The following R3HDM1 variants were observed in gnomAD, a reference collection of about 807,000 sequenced individuals.
R3HDM1 encodes the protein R3H domain-containing protein 1.
Under a neutral mutation model 141.1 loss-of-function variants are expected in R3HDM1, and 46 were observed. That is an observed-to-expected ratio of 0.33 (90% CI 0.26 to 0.42). The LOEUF is 0.42. Ranked by LOEUF, R3HDM1 falls within the 10% of genes least tolerant of loss-of-function variation. The pLI is 1.00. For synonymous variants in R3HDM1, 435 were observed against 472.9 expected (o/e 0.92, Z 1.04); for missense variants, 1,184 against 1,368.3 (o/e 0.87, Z 2.12).
chr2:135,628,753 G>A (rs938655962), intron 7 of R3HDM1, among the ~76,000 whole-genome samples: 1 of 152,032 alleles, frequency 6.6e-6, no homozygotes, highest in Non-Finnish European at 1.5e-5. Flanking sequence ...CAGCCTCCAA[G>A]TAGCTGGGAT....
At position 135,602,647 on chromosome 2, in the gene R3HDM1, C is replaced by T; in HGVS notation, c.-102C>T. Reference sequence around the variant, plus strand: ...CTGGCTGACAACTGTGAAAAAGAACCTTGGATTATTTTATTTTATTTTTGT... The same window carrying T: ...CTGGCTGACAACTGTGAAAAAGAACTTTGGATTATTTTATTTTATTTTTGT... On this transcript the variant is annotated 5_prime_UTR_variant, in exon 2 of 27. Transcript: ENST00000683871. 1.3e-6 allele frequency: 2 copies of T among 1,548,056 alleles called. No individual in the cohort carries two copies. The highest frequency in any genetic ancestry group is 1.7e-6 in the Non-Finnish European group (2 of 1,146,348).
chr2:135,581,227 G>A (rs2105029289), intron 1 of R3HDM1: 1 of 985,394 alleles, frequency 1.0e-6, no homozygotes, highest in South Asian at 4.7e-5. Context: ...CAGAGATACT[G>A]TATGAAGAAA....
At chr2:135,723,778 C>CAAAAAAAAAA (rs541423067) in intron 26 of R3HDM1, among the ~76,000 whole-genome samples, 159 bp from the exon 27 acceptor site, 4 of 55,322 alleles carry the variant, frequency 7.2e-5, no homozygotes, top group African/African-American at 2.8e-4. Flanking sequence ...CTCCATCTCC[C>CAAAAAAAAAA]AAAAAAAAAA....
chr2:135,670,389 G>T (rs2068160606), intron 19 of R3HDM1: 1 of 976,644 alleles, frequency 1.0e-6, no homozygotes, highest in African/African-American at 1.8e-5. Flanking sequence ...TGAAAGTACA[G>T]TAAAGATCAG....
At chr2:135,682,479 C>T (rs922774461) in intron 21 of R3HDM1, among the ~76,000 whole-genome samples, 5 of 152,064 alleles carry the variant, frequency 3.3e-5, no homozygotes, top group African/African-American at 9.7e-5. Flanking sequence ...ATGTTCCTGC[C>T]CCTATAGTGA....
In R3HDM1 at chr2:135,699,033, A is replaced by T. The variant is rs77175186; in HGVS notation, c.2460-10400A>T. On this transcript the variant is annotated intron_variant, in intron 21 of 26. Transcript: ENST00000683871. ...TAGATAGATAGATAGATAGATAGAT[A>T]GATAGATAGATAAGATAGATAAGAT... Among the ~76,000 whole-genome samples, 221 of 86,362 alleles carry T rather than the reference A, an allele frequency of 2.6e-3. 2 individuals are homozygous for T. Among genetic ancestry groups the T allele is most frequent in the African/African-American group, 8.5e-3 (201 of 23,578 alleles). 56.7% of individuals were successfully genotyped at this position (86,362 alleles called of 152,430 possible).
intron 5 of R3HDM1, among the ~76,000 whole-genome samples, chr2:135,619,132 G>A (rs1000305461): frequency 6.6e-6 from 1 of 151,722 alleles, no homozygotes; most frequent in Non-Finnish European, 1.5e-5. Flanking sequence ...TCTTTGTTCT[G>A]TTGACCAAAA....
At chr2:135,565,086 A>C (rs1296149827) in intron 1 of R3HDM1, among the ~76,000 whole-genome samples, 1 of 151,992 alleles carries the variant, frequency 6.6e-6, no homozygotes, top group Admixed American at 6.6e-5. Flanking sequence ...ACAGTTTTTC[A>C]GTCTTTTAAA....
In R3HDM1 at chr2:135,625,168, G is replaced by C. The variant is rs1007021485; in HGVS notation, c.497+2436G>C. Among the ~76,000 whole-genome samples the C allele has an allele frequency of 2.0e-5, 3 of 152,154 alleles. No individual in the cohort carries two copies. The East Asian group carries it at 5.8e-4, about 29-fold the overall frequency. On this transcript the variant is annotated intron_variant, in intron 7 of 26. Transcript: ENST00000683871. ...TACACTGAAAATAAAATAACAGAGG[G>C]GCCCTGCACAATGATTCATGCCGGT...
chr2:135,695,302 G>A (rs1158541015), intron 21 of R3HDM1, among the ~76,000 whole-genome samples: 1 of 152,110 alleles, frequency 6.6e-6, no homozygotes, highest in Admixed American at 6.6e-5. Context: ...AGAGAATCAG[G>A]AAACTAAGGC....
intron 1 of R3HDM1, among the ~76,000 whole-genome samples, chr2:135,577,809 G>T (rs1442535015): frequency 7.1e-6 from 1 of 140,168 alleles, no homozygotes; most frequent in Non-Finnish European, 1.5e-5. Flanking sequence ...TTGCACTCCA[G>T]CCTGGGCAAC....
intron 25 of R3HDM1, 101 bp from the exon 26 acceptor site, chr2:135,722,367 CA>C: frequency 7.9e-7 from 1 of 1,269,296 alleles, no homozygotes; most frequent in Non-Finnish European, 1.1e-6. Context: ...TGCCAGAGTG[CA>C]AAACCCAAAC....
rs762925037 is a variant in R3HDM1, at chr2:135,715,663, C to T, written c.2850C>T (p.Pro950=). 5 of 1,613,654 alleles carry T rather than the reference C, an allele frequency of 3.1e-6. No individual in the cohort carries two copies. In the South Asian group the frequency reaches 5.5e-5, roughly 18 times the overall value. ...CTGGACCACCACTTTCCATCATGCC[C>T]CAATTTTCTAGACCTTTTGTCCCCG... ...RPSGPPLSIM[P]QFSRPFVPGQ... The change falls in exon 24 of 27, where the codon CCC becomes CCT. Residue 950 remains proline (P), a synonymous_variant. Coordinates refer to ENST00000683871, the MANE Select transcript of R3HDM1 (RefSeq NM_001378107.1).
chr2:135,541,896 G>A (rs751380757), intron 1 of R3HDM1, among the ~76,000 whole-genome samples: 10 of 149,608 alleles, frequency 6.7e-5, no homozygotes, highest in African/African-American at 1.2e-4. Context: ...GAAAAGCAAT[G>A]TCTCTGAAGT....
intron 3 of R3HDM1, among the ~76,000 whole-genome samples, chr2:135,607,624 A>T (rs569069475): frequency 1.3e-5 from 2 of 152,334 alleles, no homozygotes; most frequent in African/African-American, 4.8e-5. Context: ...AAATAATAAA[A>T]TACTTCATTT....
At chr2:135,684,162 C>T (rs1028649191) in intron 21 of R3HDM1, among the ~76,000 whole-genome samples, 1 of 152,154 alleles carries the variant, frequency 6.6e-6, no homozygotes, top group Admixed American at 6.5e-5. Flanking sequence ...ACGAACTCAG[C>T]TCACTGCAAG....
At chr2:135,690,476 G>C (rs1040529614) in intron 21 of R3HDM1, among the ~76,000 whole-genome samples, 2 of 152,120 alleles carry the variant, frequency 1.3e-5, no homozygotes, top group African/African-American at 4.8e-5. Context: ...ACTCTGTGAG[G>C]ATAGATCTTG....
At chr2:135,589,403 T>A (rs946469509) in intron 1 of R3HDM1, among the ~76,000 whole-genome samples, 2 of 152,202 alleles carry the variant, frequency 1.3e-5, no homozygotes, top group East Asian at 3.8e-4. Flanking sequence ...TTTTCATCTC[T>A]GCTCTGTGAT....
intron 5 of R3HDM1, among the ~76,000 whole-genome samples, chr2:135,618,807 G>A (rs572631121): frequency 2.0e-5 from 3 of 152,082 alleles, no homozygotes; most frequent in South Asian, 4.2e-4. Flanking sequence ...ATCATTTAAG[G>A]TCAGGAGTTC....
Sources: allele counts gnomAD v4.1 joint callset (sites outside exome capture counted in the v4.1 genomes callset), GRCh38; gene constraint gnomAD v4.1.1; transcripts MANE v1.5; gene names NCBI Gene and HGNC (gene_info 2026-07-23, HGNC 2026-07-21).